Variants in ACSL3 observed in about 807,000 individuals in gnomAD.
ACSL3 encodes fatty acid CoA ligase Acsl3.
Under a neutral mutation model 84.7 loss-of-function variants are expected in ACSL3, and 34 were observed. That is an observed-to-expected ratio of 0.40 (90% CI 0.31 to 0.53). The LOEUF (loss-of-function observed/expected upper bound fraction) is 0.53. Among genes scored for constraint, ACSL3 ranks in the 20% least tolerant of loss-of-function variants. The pLI, the probability that ACSL3 is intolerant of heterozygous loss-of-function variation, is 0.48. For synonymous variants in ACSL3, 315 were observed against 299.4 expected (o/e 1.05, Z -0.54); for missense variants, 680 against 873.1 (o/e 0.78, Z 2.79).
chr2:222,891,306 A>T (rs911374173), intron 2 of ACSL3, among the ~76,000 whole-genome samples: 3 of 152,210 alleles, frequency 2.0e-5, no homozygotes, highest in Non-Finnish European at 4.4e-5. Context: ...CTTAAAATCG[A>T]TCTAGTTGAA....
intron 1 of ACSL3, among the ~76,000 whole-genome samples, chr2:222,863,798 T>C (rs1695070497): frequency 6.6e-6 from 1 of 152,152 alleles, no homozygotes; most frequent in Non-Finnish European, 1.5e-5. Flanking sequence ...AATGTCTCAG[T>C]TGAACATGTA....
At chr2:222,885,132 T>TA (rs1332443690) in intron 1 of ACSL3, among the ~76,000 whole-genome samples, 1 of 152,220 alleles carries the variant, frequency 6.6e-6, no homozygotes, top group Non-Finnish European at 1.5e-5. Context: ...AAGAGATTTT[T>TA]AACATTTATT....
chr2:222,923,426 A>T (rs1696791056), intron 10 of ACSL3, among the ~76,000 whole-genome samples: 1 of 152,194 alleles, frequency 6.6e-6, no homozygotes, highest in Non-Finnish European at 1.5e-5. Flanking sequence ...TATTTTCATG[A>T]TATCTGTTGG....
chr2:222,918,666 CAAAAAG>C (rs1696648782), intron 6 of ACSL3, among the ~76,000 whole-genome samples: 2 of 145,938 alleles, frequency 1.4e-5, no homozygotes, highest in African/African-American at 2.5e-5. Flanking sequence ...TAAACTTGTT[CAAAAAG>C]AAAATTTTGA....
Position 222,912,822 on chromosome 2 carries a change from G to A in ACSL3, c.379-3497G>A, listed in dbSNP as rs146732990. 4.7e-3 allele frequency among the ~76,000 whole-genome samples: 719 copies of A among 152,290 alleles called. 9 individuals carry two copies. The highest frequency in any genetic ancestry group is 0.016 in the African/African-American group (683 of 41,570). ...GGGACAGAAAAACAAAAGGCACTTG[G>A]TTGCTTGGCAGGCCTTTTCAGGGTC... On this transcript the variant is annotated intron_variant, in intron 4 of 16. Coordinates refer to ENST00000357430, the MANE Select transcript of ACSL3 (RefSeq NM_004457.5).
intron 5 of ACSL3, 107 bp from the exon 6 acceptor site, chr2:222,917,939 C>T: frequency 1.4e-6 from 1 of 731,370 alleles, no homozygotes; most frequent in South Asian, 1.9e-5. Context: ...GTGGATTTAA[C>T]AGTTTAGGGC....
chr2:222,878,586 A>C (rs900867793), intron 1 of ACSL3, among the ~76,000 whole-genome samples: 1 of 152,042 alleles, frequency 6.6e-6, no homozygotes, highest in Non-Finnish European at 1.5e-5. Context: ...ACTGTTTCTG[A>C]GGAATTCTGT....
At chr2:222,866,255 C>T (rs908535824) in intron 1 of ACSL3, among the ~76,000 whole-genome samples, 1 of 152,124 alleles carries the variant, frequency 6.6e-6, no homozygotes, top group African/African-American at 2.4e-5. Context: ...ACGCCATTCT[C>T]CTGCCTCAGC....
At chr2:222,883,964 A>T (rs149324721) in intron 1 of ACSL3, among the ~76,000 whole-genome samples, 51 of 152,306 alleles carry the variant, frequency 3.3e-4, no homozygotes, top group African/African-American at 1.2e-3. Context: ...CATAGATGGC[A>T]ATAGCCTCTC....
chr2:222,924,753 G>T (rs951097644), intron 11 of ACSL3, among the ~76,000 whole-genome samples, 158 bp downstream of exon 11: 2 of 152,194 alleles, frequency 1.3e-5, no homozygotes, highest in African/African-American at 4.8e-5. Flanking sequence ...GCCAGGCGCG[G>T]TGGCTCATGC....
intron 1 of ACSL3, among the ~76,000 whole-genome samples, chr2:222,879,238 A>T (rs1695532152): frequency 6.6e-6 from 1 of 152,202 alleles, no homozygotes. Context: ...GAATTGCTGG[A>T]ACCCAGGAGG....
At chr2:222,866,929 G>A (rs1484455849) in intron 1 of ACSL3, among the ~76,000 whole-genome samples, 3 of 151,416 alleles carry the variant, frequency 2.0e-5, no homozygotes, top group African/African-American at 7.3e-5. Context: ...CCGCCTCCCG[G>A]GTTCAAGCAA....
intron 16 of ACSL3, 59 bp downstream of exon 16, chr2:222,934,746 A>T (rs34095647): frequency 0.011 from 16,533 of 1,549,250 alleles, 139 homozygotes; most frequent in Non-Finnish European, 0.013. Context: ...ACTTACATGC[A>T]TTCAACCTGT....
rs1695030458 is a variant in ACSL3 at position 222,862,127 on chromosome 2, G to A, written c.-207+869G>A. ...AGGCTTTGTGAACGAAATTATAGCT[G>A]AAAAGAATGACAAATAGCTGACATT... On this transcript the variant is annotated intron_variant, in intron 1 of 16. Coordinates refer to ENST00000357430, the MANE Select transcript of ACSL3 (RefSeq NM_004457.5). Among the ~76,000 whole-genome samples the A allele has an allele frequency of 3.9e-5, 6 of 152,354 alleles. No individual in the cohort carries two copies. The South Asian group carries it at 1.2e-3, about 32-fold the overall frequency.
chr2:222,862,665 C>T (rs1398596850), intron 1 of ACSL3, among the ~76,000 whole-genome samples: 2 of 151,986 alleles, frequency 1.3e-5, no homozygotes, highest in African/African-American at 2.4e-5. Context: ...TTCTAATTGT[C>T]GCATGCGTTT....
chr2:222,889,818 C>T (rs1366558409), intron 2 of ACSL3, among the ~76,000 whole-genome samples: 1 of 152,146 alleles, frequency 6.6e-6, no homozygotes, highest in African/African-American at 2.4e-5. Context: ...TGAGCACTTG[C>T]AGAAAAGCTG....
chr2:222,865,840 G>A (rs1424513932), intron 1 of ACSL3, among the ~76,000 whole-genome samples: 4 of 150,296 alleles, frequency 2.7e-5, no homozygotes, highest in South Asian at 4.2e-4. Flanking sequence ...AGATGTGTAC[G>A]CATTGGAGAT....
At chr2:222,882,548 C>T (rs921626627) in intron 1 of ACSL3, among the ~76,000 whole-genome samples, 2 of 152,176 alleles carry the variant, frequency 1.3e-5, no homozygotes, top group East Asian at 1.9e-4. Flanking sequence ...TCATAAGGAG[C>T]GGACAATCTA....
At chr2:222,881,510 A>G (rs1357018204) in intron 1 of ACSL3, among the ~76,000 whole-genome samples, 1 of 152,180 alleles carries the variant, frequency 6.6e-6, no homozygotes, top group East Asian at 1.9e-4. Context: ...TTAGTAATTG[A>G]TATTCACTCC....
Sources: gnomAD v4.1 joint callset for allele counts (sites outside exome capture counted in the v4.1 genomes callset) on GRCh38, gnomAD v4.1.1 for gene constraint, MANE v1.5 for transcripts, NCBI Gene and HGNC (gene_info 2026-07-23, HGNC 2026-07-21) for gene names.